Variants in FTCDNL1 observed in about 807,000 individuals in gnomAD.
The protein encoded by FTCDNL1 is formiminotransferase N-terminal subdomain-containing protein.
FTCDNL1 carries 11 observed loss-of-function variants against 5.9 expected under a neutral mutation model. The ratio of observed to expected loss-of-function variants is 1.87; its 90% CI spans 1.18 to 3.10. The LOEUF is 3.10. Among genes scored for constraint, FTCDNL1 ranks in the 30% most tolerant of loss-of-function variants. The pLI is 0.00. For missense variants in FTCDNL1, 115 were observed against 65.5 expected (o/e 1.76, Z -2.61); for synonymous variants, 58 against 24.8 (o/e 2.34, Z -3.99).
At chr2:199,799,214 A>C (rs1009867127) in intron 3 of FTCDNL1, among the ~76,000 whole-genome samples, 1 of 152,232 alleles carries the variant, frequency 6.6e-6, no homozygotes, top group Non-Finnish European at 1.5e-5. Flanking sequence ...TGAAAGAAAA[A>C]CTTGGCAATC....
At chr2:199,761,345 G>A (rs565005383) in intron 3 of FTCDNL1, among the ~76,000 whole-genome samples, 1 of 152,314 alleles carries the variant, frequency 6.6e-6, no homozygotes, top group South Asian at 2.1e-4. Context: ...TTCTCACTGT[G>A]TACGTCGAAA....
intron 3 of FTCDNL1, among the ~76,000 whole-genome samples, chr2:199,776,958 A>ATATGTGTG (rs1263780879): frequency 4.4e-5 from 6 of 136,140 alleles, no homozygotes; most frequent in Non-Finnish European, 7.9e-5. Flanking sequence ...ATGTGTGTAT[A>ATATGTGTG]TGTGTGTGTG....
At chr2:199,844,159 AT>A (rs11389472) in intron 3 of FTCDNL1, among the ~76,000 whole-genome samples, 283 of 144,698 alleles carry the variant, frequency 2.0e-3, no homozygotes, top group Middle Eastern at 7.0e-3. Flanking sequence ...AAAATTATTG[AT>A]TTTTTTTTTT....
chr2:199,759,139 G>GTATATATA (rs372109443), downstream of FTCDNL1, among the ~76,000 whole-genome samples: 747 of 151,120 alleles, frequency 4.9e-3, 4 homozygotes, highest in East Asian at 0.024. Flanking sequence ...ATATTTGTGT[G>GTATATATA]TGTATATATA....
At chr2:199,814,810 C>T (rs1040453083) in intron 4 of FTCDNL1, among the ~76,000 whole-genome samples, 3 of 152,090 alleles carry the variant, frequency 2.0e-5, no homozygotes, top group African/African-American at 7.2e-5. Context: ...TTTTCAAATA[C>T]CAGATAAAGT....
At chr2:199,850,290 G>A (rs780234521) in intron 1 of FTCDNL1, among the ~76,000 whole-genome samples, 17 of 152,166 alleles carry the variant, frequency 1.1e-4, no homozygotes, top group Non-Finnish European at 2.2e-4. Context: ...TTTACACAAG[G>A]GGTGTGGGCG....
At chr2:199,710,048 A>G in the FTCDNL1 span, among the ~76,000 whole-genome samples, 1 of 152,168 alleles carries the variant, frequency 6.6e-6, no homozygotes, top group Non-Finnish European at 1.5e-5. Flanking sequence ...TTTTGCCATC[A>G]TTCATAGACA....
intron 2 of FTCDNL1, among the ~76,000 whole-genome samples, chr2:199,848,226 T>C (rs188965738): frequency 6.6e-6 from 1 of 152,342 alleles, no homozygotes; most frequent in Admixed American, 6.5e-5. Context: ...AAGAGCAGTA[T>C]CTTTCATAGT....
chr2:199,759,388 GC>G (rs1698184270), downstream of FTCDNL1, among the ~76,000 whole-genome samples: 1 of 151,192 alleles, frequency 6.6e-6, no homozygotes, highest in Non-Finnish European at 1.5e-5. Context: ...AGCACTCCCT[GC>G]GAGTTAGGAG....
intron 3 of FTCDNL1, among the ~76,000 whole-genome samples, chr2:199,780,803 C>T (rs1699326941): frequency 6.6e-6 from 1 of 152,170 alleles, no homozygotes; most frequent in Non-Finnish European, 1.5e-5. Flanking sequence ...TCTCCACTGT[C>T]ACCATTAAGT....
the FTCDNL1 span, among the ~76,000 whole-genome samples, chr2:199,684,730 G>A: frequency 0.11 from 17,095 of 152,146 alleles, 1,318 homozygotes; most frequent in Middle Eastern, 0.24. Context: ...AGTGTGTTAC[G>A]GAAGGGCCGT....
intron 2 of FTCDNL1, 68 bp downstream of exon 2, chr2:199,848,780 C>A (rs1399702657): frequency 2.9e-6 from 2 of 686,688 alleles, no homozygotes; most frequent in Non-Finnish European, 5.3e-6. Flanking sequence ...ATACAGTGTG[C>A]ACAGTACAAA....
the FTCDNL1 span, among the ~76,000 whole-genome samples, chr2:199,695,468 A>AT: frequency 9.2e-5 from 14 of 152,218 alleles, no homozygotes; most frequent in Non-Finnish European, 1.8e-4. Flanking sequence ...GTAAGAAAAT[A>AT]TTGTAAAATA....
At position 199,832,569 on chromosome 2, in the gene FTCDNL1, C is replaced by T. The variant is rs1344254601; in HGVS notation, c.212-12812G>A. Among the ~76,000 whole-genome samples the T allele has an allele frequency of 4.6e-5, 7 of 152,178 alleles. No individual in the cohort carries two copies. The East Asian group carries it at 1.3e-3, about 29-fold the overall frequency. On this transcript the variant is annotated intron_variant, in intron 3 of 4. Transcript: ENST00000420128. Reference sequence around the variant, plus strand: ...AGAACTTAAATTTCAGAGCTGAAAGCACTTCAGACATCTCTTGCTCAAGTG... The same window carrying T: ...AGAACTTAAATTTCAGAGCTGAAAGTACTTCAGACATCTCTTGCTCAAGTG...
intron 4 of FTCDNL1, among the ~76,000 whole-genome samples, chr2:199,813,898 G>A (rs1436081759): frequency 7.7e-6 from 1 of 129,774 alleles, no homozygotes; most frequent in East Asian, 2.3e-4. Context: ...TGGTGACAGA[G>A]CGAGACTCTG....
the FTCDNL1 span, among the ~76,000 whole-genome samples, chr2:199,711,186 A>T: frequency 6.6e-6 from 1 of 152,158 alleles, no homozygotes; most frequent in Non-Finnish European, 1.5e-5. Context: ...GTATGGGCAC[A>T]TTACTAAAAA....
downstream of FTCDNL1, among the ~76,000 whole-genome samples, chr2:199,755,691 T>C (rs1339694077): frequency 1.3e-5 from 2 of 152,224 alleles, no homozygotes; most frequent in Admixed American, 6.5e-5. Context: ...AGTATACCTA[T>C]GCTGCCCAGG....
intron 3 of FTCDNL1, among the ~76,000 whole-genome samples, chr2:199,765,433 T>C (rs1425186171): frequency 2.7e-5 from 4 of 150,194 alleles, no homozygotes; most frequent in African/African-American, 9.8e-5. Context: ...TACAAAATAA[T>C]AGTAATAATA....
At chr2:199,744,558 C>T in the FTCDNL1 span, among the ~76,000 whole-genome samples, 1 of 152,194 alleles carries the variant, frequency 6.6e-6, no homozygotes. Context: ...AACCTGCCAA[C>T]ACCTTGATCT....
Sources: allele counts gnomAD v4.1 joint callset (sites outside exome capture counted in the v4.1 genomes callset), GRCh38; gene constraint gnomAD v4.1.1; transcripts MANE v1.5; gene names NCBI Gene and HGNC (gene_info 2026-07-23, HGNC 2026-07-21).